Variants in CARMIL1 observed in about 807,000 individuals in gnomAD.
The protein encoded by CARMIL1 is F-actin-uncapping protein LRRC16A.
CARMIL1 carries 90 observed loss-of-function variants against 177.1 expected under a neutral mutation model. That is an observed-to-expected ratio of 0.51 (90% confidence interval 0.43 to 0.61). The LOEUF (loss-of-function observed/expected upper bound fraction) is 0.61. Ranked by LOEUF, CARMIL1 falls within the 20% of genes least tolerant of loss-of-function variation. The probability of loss-of-function intolerance (pLI) is 0.00; values close to 1 mark genes in which losing one functional copy is unlikely to be tolerated. For missense variants in CARMIL1, 1,380 were observed against 1,667.0 expected (o/e 0.83, Z 3.00); for synonymous variants, 577 against 606.2 (o/e 0.95, Z 0.71).
intron 5 of CARMIL1, among the ~76,000 whole-genome samples, chr6:25,448,775 C>T (rs139245294): frequency 6.6e-6 from 1 of 152,252 alleles, no homozygotes; most frequent in African/African-American, 2.4e-5. Context: ...GGTTTTGGGT[C>T]TTGGCACTCT....
intron 3 of CARMIL1, among the ~76,000 whole-genome samples, chr6:25,421,823 G>A (rs1368853652): frequency 7.2e-6 from 1 of 139,250 alleles, no homozygotes; most frequent in Non-Finnish European, 1.5e-5. Context: ...TGAACAATGA[G>A]AACAGATGGA....
At position 25,434,518 on chromosome 6, in the gene CARMIL1, A is replaced by ATTT. The variant is rs5875039; in HGVS notation, c.250-942_250-940dup. Among the ~76,000 whole-genome samples the ATTT allele has an allele frequency of 8.8e-3, 891 of 101,676 alleles. 32 individuals carry two copies. Among genetic ancestry groups the ATTT allele is most frequent in the African/African-American group, 0.03 (797 of 26,666 alleles). 66.7% of individuals were successfully genotyped at this position (101,676 alleles called of 152,430 possible). The stretch of plus-strand genomic sequence containing the variant: ...CCCTCTTCTTAGAAAGCTCAAAACC[A>ATTT]TTTTTTTTTTTTTTTTTTTTTTTTT... On this transcript the variant is annotated intron_variant, in intron 4 of 36. Transcript: ENST00000329474.
chr6:25,481,641 G>T (rs1008372775), intron 11 of CARMIL1, among the ~76,000 whole-genome samples: 1 of 152,140 alleles, frequency 6.6e-6, no homozygotes, highest in Non-Finnish European at 1.5e-5. Context: ...TGGGTGAGCT[G>T]GTGTTCCCAA....
chr6:25,365,637 T>C (rs1192470737), intron 2 of CARMIL1, among the ~76,000 whole-genome samples: 1 of 152,082 alleles, frequency 6.6e-6, no homozygotes, highest in African/African-American at 2.4e-5. Context: ...ACTGCAACCT[T>C]CACTTCCCGG....
chr6:25,533,015 G>A (rs969910875), intron 24 of CARMIL1, among the ~76,000 whole-genome samples: 1 of 152,010 alleles, frequency 6.6e-6, no homozygotes, highest in Non-Finnish European at 1.5e-5. Context: ...TTCTCACCAA[G>A]AAAGAAAGAA....
intron 2 of CARMIL1, among the ~76,000 whole-genome samples, chr6:25,345,106 G>A (rs917289115): frequency 2.0e-5 from 3 of 152,036 alleles, no homozygotes; most frequent in African/African-American, 7.3e-5. Flanking sequence ...TACTTCACTG[G>A]CATTGTGCTT....
chr6:25,293,302 G>GTGTGTGTGTGTGTTT (rs367596061), intron 2 of CARMIL1, among the ~76,000 whole-genome samples: 66 of 144,610 alleles, frequency 4.6e-4, no homozygotes, highest in Admixed American at 1.3e-3. Context: ...GTGTGTGTGT[G>GTGTGTGTGTGTGTTT]TGTTTTGTAG....
intron 2 of CARMIL1, among the ~76,000 whole-genome samples, chr6:25,390,638 G>A (rs575626367): frequency 6.6e-6 from 1 of 151,720 alleles, no homozygotes; most frequent in Non-Finnish European, 1.5e-5. Flanking sequence ...TTTTATATAT[G>A]TTTTAAAAAC....
chr6:25,603,059 T>C (rs1474190396), intron 33 of CARMIL1, among the ~76,000 whole-genome samples: 1 of 152,216 alleles, frequency 6.6e-6, no homozygotes, highest in African/African-American at 2.4e-5. Context: ...TTTAAAAATC[T>C]GGGAGGGAAA....
chr6:25,550,805 T>C, intron 26 of CARMIL1, 105 bp from the exon 27 acceptor site: 3 of 1,023,790 alleles, frequency 2.9e-6, no homozygotes, highest in Non-Finnish European at 4.4e-6. Flanking sequence ...GTCGTGCTCC[T>C]GTTCTCTGAG....
chr6:25,414,018 A>G (rs961231134), intron 2 of CARMIL1, among the ~76,000 whole-genome samples: 1 of 152,208 alleles, frequency 6.6e-6, no homozygotes, highest in Non-Finnish European at 1.5e-5. Flanking sequence ...CTATTAGTTA[A>G]GTTATAAGAA....
intron 12 of CARMIL1, among the ~76,000 whole-genome samples, chr6:25,486,268 T>G (rs1359369193): frequency 6.6e-6 from 1 of 152,156 alleles, no homozygotes; most frequent in African/African-American, 2.4e-5. Flanking sequence ...AGGCCTCATG[T>G]GAGCATGGGA....
intron 29 of CARMIL1, among the ~76,000 whole-genome samples, chr6:25,578,456 A>C (rs1272497768): frequency 6.6e-6 from 1 of 152,158 alleles, no homozygotes; most frequent in Non-Finnish European, 1.5e-5. Context: ...ATTATAGTAC[A>C]TTGTTATATT....
intron 11 of CARMIL1, among the ~76,000 whole-genome samples, chr6:25,475,356 G>A (rs185049969): frequency 1.1e-3 from 159 of 151,190 alleles, no homozygotes; most frequent in African/African-American, 3.7e-3. Context: ...AGCCAAGATC[G>A]AGCCACTGCA....
At chr6:25,281,926 C>T (rs966020903) in intron 1 of CARMIL1, among the ~76,000 whole-genome samples, 4 of 151,852 alleles carry the variant, frequency 2.6e-5, no homozygotes, top group African/African-American at 9.7e-5. Flanking sequence ...ACCAGCCTGA[C>T]CAACATGAAG....
intron 4 of CARMIL1, among the ~76,000 whole-genome samples, chr6:25,431,919 T>C (rs1796828107): frequency 6.6e-6 from 1 of 152,200 alleles, no homozygotes; most frequent in South Asian, 2.1e-4. Flanking sequence ...TTGGCACTGC[T>C]TCTGTAAATG....
intron 2 of CARMIL1, among the ~76,000 whole-genome samples, chr6:25,328,588 G>A (rs1410873762): frequency 6.6e-6 from 1 of 152,122 alleles, no homozygotes; most frequent in African/African-American, 2.4e-5. Flanking sequence ...TCTGAGTTCA[G>A]ATGTCACATC....
At chr6:25,583,057 A>G (rs1211987828) in intron 31 of CARMIL1, among the ~76,000 whole-genome samples, 1 of 152,220 alleles carries the variant, frequency 6.6e-6, no homozygotes, top group Non-Finnish European at 1.5e-5. Context: ...CTTGAGGCAG[A>G]TCATAAAAGC....
chr6:25,581,663 A>G (rs1056553564), intron 31 of CARMIL1, among the ~76,000 whole-genome samples: 2 of 152,202 alleles, frequency 1.3e-5, no homozygotes, highest in African/African-American at 2.4e-5. Flanking sequence ...TGTGGAGAAA[A>G]CAATGCTGTA....
Sources: allele counts gnomAD v4.1 joint callset (sites outside exome capture counted in the v4.1 genomes callset), GRCh38; gene constraint gnomAD v4.1.1; transcripts MANE v1.5; gene names NCBI Gene and HGNC (gene_info 2026-07-23, HGNC 2026-07-21).